The following GALNTL6 variants were observed in gnomAD, a reference collection of about 807,000 sequenced individuals.
GALNTL6 encodes the protein polypeptide N-acetylgalactosaminyltransferase-like 6.
A neutral mutation model predicts 73.7 loss-of-function variants in GALNTL6; 46 were observed. That is an observed-to-expected ratio of 0.62 (90% confidence interval 0.49 to 0.80). The LOEUF is 0.80. Among genes scored for constraint, GALNTL6 ranks in the 30% least tolerant of loss-of-function variants. The pLI is 0.00. For synonymous variants in GALNTL6, 259 were observed against 263.7 expected, an observed-to-expected ratio of 0.98 and a Z score of 0.17; for missense variants, 604 against 755.0, an observed-to-expected ratio of 0.80 and a Z score of 2.34.
chr4:172,098,379 G>A lies in GALNTL6; in HGVS notation c.139-131277G>A, dbSNP rs192017777. Among the ~76,000 whole-genome samples, 5 of 152,088 alleles carry A rather than the reference G, an allele frequency of 3.3e-5. No homozygotes were observed. The East Asian group carries it at 9.7e-4, about 29-fold the overall frequency. The stretch of plus-strand genomic sequence containing the variant: ...TGGTGGTATGGAAAAGAATTACTGG[G>A]GTTGGTGATATATGAGTTGAGAGTT... On this transcript the variant is annotated intron_variant, in intron 2 of 12. Coordinates refer to ENST00000506823, the MANE Select transcript of GALNTL6 (RefSeq NM_001034845.3).
At chr4:172,587,688 C>A (rs925217572) in intron 5 of GALNTL6, among the ~76,000 whole-genome samples, 3 of 152,234 alleles carry the variant, frequency 2.0e-5, no homozygotes, top group African/African-American at 7.2e-5. Flanking sequence ...GATTCTTATA[C>A]ATCCTTCCAG....
At chr4:171,995,548 A>C (rs142646798) in intron 2 of GALNTL6, among the ~76,000 whole-genome samples, 1 of 152,064 alleles carries the variant, frequency 6.6e-6, no homozygotes, top group Non-Finnish European at 1.5e-5. Flanking sequence ...ATATATTATT[A>C]TGTGACAAAA....
At chr4:171,954,789 T>C (rs1182762337) in intron 2 of GALNTL6, among the ~76,000 whole-genome samples, 1 of 152,158 alleles carries the variant, frequency 6.6e-6, no homozygotes, top group Admixed American at 6.5e-5. Context: ...CTTCCCCCTC[T>C]CTTCTCTCTT....
intron 3 of GALNTL6, among the ~76,000 whole-genome samples, chr4:172,239,174 G>A (rs1737336423): frequency 6.6e-6 from 1 of 152,096 alleles, no homozygotes; most frequent in South Asian, 2.1e-4. Flanking sequence ...TAGTAAGAAT[G>A]GTACCAATTC....
intron 2 of GALNTL6, among the ~76,000 whole-genome samples, chr4:171,991,063 G>A (rs990701936): frequency 6.6e-6 from 1 of 152,072 alleles, no homozygotes; most frequent in Non-Finnish European, 1.5e-5. Flanking sequence ...AGAGACTTCA[G>A]CAATGTTGCT....
chr4:172,646,249 T>C (rs1740237376), intron 5 of GALNTL6, among the ~76,000 whole-genome samples: 1 of 152,080 alleles, frequency 6.6e-6, no homozygotes, highest in African/African-American at 2.4e-5. Flanking sequence ...CTAGAAAAGA[T>C]TGGGGTTTTG....
At chr4:172,066,659 G>A (rs1284910404) in intron 2 of GALNTL6, among the ~76,000 whole-genome samples, 2 of 151,620 alleles carry the variant, frequency 1.3e-5, no homozygotes, top group African/African-American at 4.8e-5. Context: ...CCTGTAGAAT[G>A]GCAGAGCCTG....
At chr4:172,230,791 T>A (rs17058179) in intron 3 of GALNTL6, among the ~76,000 whole-genome samples, 58,080 of 151,778 alleles carry the variant, frequency 0.38, 11,275 homozygotes, top group Non-Finnish European at 0.41. Context: ...TACAGTTTGG[T>A]AAAGACATCT....
At chr4:173,024,729 A>G (rs558118586) in intron 12 of GALNTL6, among the ~76,000 whole-genome samples, 1 of 152,192 alleles carries the variant, frequency 6.6e-6, no homozygotes, top group Admixed American at 6.5e-5. Flanking sequence ...CACAGGCATG[A>G]CCACCATGCC....
At chr4:172,628,257 T>A (rs1389920830) in intron 5 of GALNTL6, among the ~76,000 whole-genome samples, 7 of 152,180 alleles carry the variant, frequency 4.6e-5, no homozygotes, top group Non-Finnish European at 1.0e-4. Flanking sequence ...CCATTCACTT[T>A]TGCTGATAAC....
At chr4:172,873,565 C>T (rs1350507879) in intron 7 of GALNTL6, among the ~76,000 whole-genome samples, 3 of 152,178 alleles carry the variant, frequency 2.0e-5, no homozygotes, top group Non-Finnish European at 2.9e-5. Context: ...TGCCATAGAT[C>T]GTGAGGGAGA....
chr4:172,780,382 G>C (rs1739309994), intron 5 of GALNTL6, among the ~76,000 whole-genome samples: 1 of 152,132 alleles, frequency 6.6e-6, no homozygotes, highest in South Asian at 2.1e-4. Context: ...ATTTGGGCAG[G>C]TAAACTTACC....
intron 8 of GALNTL6, among the ~76,000 whole-genome samples, chr4:172,928,243 T>C (rs1246622064): frequency 6.6e-6 from 1 of 152,188 alleles, no homozygotes; most frequent in Non-Finnish European, 1.5e-5. Context: ...AATCTATAGA[T>C]ACAATATCAA....
chr4:172,271,968 T>A (rs1454042709), intron 3 of GALNTL6, among the ~76,000 whole-genome samples: 3 of 151,660 alleles, frequency 2.0e-5, no homozygotes, highest in Non-Finnish European at 4.4e-5. Flanking sequence ...TATTTTTTTT[T>A]ATGAGATGGA....
At chr4:172,168,130 A>C (rs1253722308) in intron 2 of GALNTL6, among the ~76,000 whole-genome samples, 1 of 152,260 alleles carries the variant, frequency 6.6e-6, no homozygotes, top group Admixed American at 6.5e-5. Context: ...GCCATATACA[A>C]GCCAACCCTA....
intron 3 of GALNTL6, among the ~76,000 whole-genome samples, chr4:172,265,084 A>G (rs1242710765): frequency 1.3e-5 from 2 of 152,028 alleles, no homozygotes; most frequent in African/African-American, 2.4e-5. Context: ...CAAAAAATAA[A>G]TAAATAAAAA....
At chr4:172,150,500 A>C (rs1396669865) in intron 2 of GALNTL6, among the ~76,000 whole-genome samples, 1 of 152,230 alleles carries the variant, frequency 6.6e-6, no homozygotes, top group Non-Finnish European at 1.5e-5. Flanking sequence ...GCAGGGACAG[A>C]AAAATCTTTT....
At chr4:172,161,803 T>A (rs1445904311) in intron 2 of GALNTL6, among the ~76,000 whole-genome samples, 1 of 152,014 alleles carries the variant, frequency 6.6e-6, no homozygotes, top group African/African-American at 2.4e-5. Context: ...TACCAGAATA[T>A]GATCAGAGTG....
chr4:171,826,563 C>T (rs1734829761), intron 2 of GALNTL6, among the ~76,000 whole-genome samples: 1 of 152,096 alleles, frequency 6.6e-6, no homozygotes, highest in Non-Finnish European at 1.5e-5. Context: ...CCGTTTCTAC[C>T]CACCTCAGGC....
Sources: gnomAD v4.1 joint callset for allele counts (sites outside exome capture counted in the v4.1 genomes callset) on GRCh38, gnomAD v4.1.1 for gene constraint, MANE v1.5 for transcripts, NCBI Gene and HGNC (gene_info 2026-07-23, HGNC 2026-07-21) for gene names.